Variants in NSRP1 observed in about 807,000 individuals in gnomAD.
NSRP1 encodes nuclear speckle splicing regulatory protein 1, also known as coiled-coil domain containing 55.
In NSRP1, 24 loss-of-function variants were observed where a neutral mutation model predicts 54.7. That is an observed-to-expected ratio of 0.44 (90% CI 0.32 to 0.62). The LOEUF (loss-of-function observed/expected upper bound fraction) is 0.62. Among genes scored for constraint, NSRP1 ranks in the 20% least tolerant of loss-of-function variants. The pLI, the probability that NSRP1 is intolerant of heterozygous loss-of-function variation, is 0.06. For missense variants in NSRP1, 596 were observed against 651.2 expected (o/e 0.92, Z 0.92); for synonymous variants, 210 against 213.8 (o/e 0.98, Z 0.15).
At chr17:30,162,337 T>C (rs963419055) in intron 2 of NSRP1, among the ~76,000 whole-genome samples, 5 of 152,164 alleles carry the variant, frequency 3.3e-5, no homozygotes, top group Admixed American at 1.3e-4. Flanking sequence ...GCCAGCCATG[T>C]CTATTTTTTT....
At chr17:30,117,236 T>A (rs8067576) in intron 1 of NSRP1, 280,451 of 614,026 alleles carry the variant, frequency 0.46, 69,814 homozygotes, top group East Asian at 0.8. Flanking sequence ...CCTGGCTTCC[T>A]TAGAGGGCCT....
chr17:30,172,139 C>T (rs1215251872), intron 2 of NSRP1, among the ~76,000 whole-genome samples: 1 of 152,106 alleles, frequency 6.6e-6, no homozygotes, highest in South Asian at 2.1e-4. Flanking sequence ...ACCTTATAAT[C>T]TATTCTGAGG....
At chr17:30,175,269 A>T (rs1905088618) in intron 3 of NSRP1, among the ~76,000 whole-genome samples, 1 of 152,114 alleles carries the variant, frequency 6.6e-6, no homozygotes, top group Non-Finnish European at 1.5e-5. Flanking sequence ...TTCATGCAAA[A>T]CATTTTCTGA....
chr17:30,150,877 G>A (rs1180713458), intron 2 of NSRP1, among the ~76,000 whole-genome samples: 1 of 151,238 alleles, frequency 6.6e-6, no homozygotes, highest in Non-Finnish European at 1.5e-5. Context: ...TAGTAGAGAT[G>A]GGGTTTTGCT....
At chr17:30,167,131 C>A (rs1904759689) in intron 2 of NSRP1, among the ~76,000 whole-genome samples, 1 of 152,148 alleles carries the variant, frequency 6.6e-6, no homozygotes, top group South Asian at 2.1e-4. Flanking sequence ...GAAGTGAGAA[C>A]ATACGATATT....
intron 2 of NSRP1, among the ~76,000 whole-genome samples, chr17:30,125,097 G>T (rs967418802): frequency 6.6e-6 from 1 of 152,138 alleles, no homozygotes; most frequent in African/African-American, 2.4e-5. Context: ...TACTCAGGCT[G>T]AGGCAGGAAA....
In NSRP1 at chr17:30,145,149, G is replaced by T. The variant is rs576995771; in HGVS notation, c.114+26976G>T. ...CATTCCTTCTGAGATAAACACTTAA[G>T]TTACCTTCAGTTCCCTGCTACCACA... On this transcript the variant is annotated intron_variant, in intron 2 of 6. Coordinates refer to ENST00000247026, the MANE Select transcript of NSRP1 (RefSeq NM_032141.4). 2.6e-5 allele frequency among the ~76,000 whole-genome samples: 4 copies of T among 152,120 alleles called. No homozygotes were observed. In the South Asian group the frequency reaches 6.2e-4, roughly 24 times the overall value.
chr17:30,181,506 G>C (rs1017001477), intron 6 of NSRP1, among the ~76,000 whole-genome samples: 5 of 148,038 alleles, frequency 3.4e-5, no homozygotes, highest in Non-Finnish European at 5.9e-5. Flanking sequence ...GGGCTCAAAT[G>C]ATCCTCCCAA....
chr17:30,181,243 C>G (rs775831177), intron 6 of NSRP1, among the ~76,000 whole-genome samples: 3 of 152,092 alleles, frequency 2.0e-5, no homozygotes, highest in Admixed American at 1.3e-4. Flanking sequence ...GAAATTGTTA[C>G]ATTAAAACAG....
At chr17:30,119,188 C>T (rs1375739939) in intron 2 of NSRP1, among the ~76,000 whole-genome samples, 1 of 151,914 alleles carries the variant, frequency 6.6e-6, no homozygotes, top group Non-Finnish European at 1.5e-5. Flanking sequence ...CTCCCAGGTT[C>T]AAGTGATTCT....
intron 6 of NSRP1, among the ~76,000 whole-genome samples, chr17:30,183,076 C>G (rs1026630989): frequency 2.0e-5 from 3 of 152,060 alleles, no homozygotes; most frequent in African/African-American, 7.2e-5. Context: ...TGAACATTAC[C>G]ATTTCTTGAG....
chr17:30,171,466 C>T (rs896405554), intron 2 of NSRP1, among the ~76,000 whole-genome samples: 3 of 151,810 alleles, frequency 2.0e-5, no homozygotes, highest in Non-Finnish European at 4.4e-5. Flanking sequence ...CCAACACTCC[C>T]GGCTCATCTT....
intron 2 of NSRP1, among the ~76,000 whole-genome samples, chr17:30,130,839 T>C (rs1023997149): frequency 7.2e-5 from 11 of 152,244 alleles, no homozygotes; most frequent in Non-Finnish European, 1.0e-4. Context: ...CTGTCATCCA[T>C]GTGCTGGGTT....
At chr17:30,135,254 G>T (rs1428190793) in intron 2 of NSRP1, among the ~76,000 whole-genome samples, 1 of 151,994 alleles carries the variant, frequency 6.6e-6, no homozygotes, top group Non-Finnish European at 1.5e-5. Flanking sequence ...GATTAGCTGG[G>T]ACTACAGGCA....
Position 30,169,173 on chromosome 17 carries a change from T to A in NSRP1, c.115-3369T>A, listed in dbSNP as rs77098181. ...CCTTTCTCAGTCTGCTTATTCTATA[T>A]TTTATAAAAGTCTGGAAAGGTATAG... is the stretch of plus-strand genomic sequence containing the variant. On this transcript the variant is annotated intron_variant, in intron 2 of 6. Transcript: ENST00000247026. Among the ~76,000 whole-genome samples, 786 of 152,184 alleles carry A rather than the reference T, an allele frequency of 5.2e-3. 5 individuals carry two copies. The highest frequency in any genetic ancestry group is 0.018 in the African/African-American group (753 of 41,576).
chr17:30,175,307 A>G, intron 3 of NSRP1, among the ~76,000 whole-genome samples: 1 of 152,156 alleles, frequency 6.6e-6, no homozygotes, highest in East Asian at 1.9e-4. Context: ...TGTTTGACCC[A>G]TCTATTATTA....
chr17:30,168,038 T>C (rs1446203081), intron 2 of NSRP1: 3 of 152,206 alleles, frequency 2.0e-5, no homozygotes, highest in African/African-American at 7.2e-5. Flanking sequence ...TAAATCAGAT[T>C]TATGCTATAG....
intron 3 of NSRP1, among the ~76,000 whole-genome samples, chr17:30,174,397 C>T (rs761949107): frequency 1.1e-4 from 17 of 152,104 alleles, no homozygotes; most frequent in Non-Finnish European, 2.1e-4. Flanking sequence ...TTTATCCATA[C>T]GAATTGAAAT....
At chr17:30,127,844 C>A in intron 2 of NSRP1, 1 of 394,492 alleles carries the variant, frequency 2.5e-6, no homozygotes, top group South Asian at 1.3e-4. Context: ...TATTTTTTTT[C>A]ATTTTTTGAG....
Sources: gnomAD v4.1 joint callset for allele counts (sites outside exome capture counted in the v4.1 genomes callset) on GRCh38, gnomAD v4.1.1 for gene constraint, MANE v1.5 for transcripts, NCBI Gene and HGNC (gene_info 2026-07-23, HGNC 2026-07-21) for gene names.